The following ATP2C1 variants were observed in gnomAD, a reference collection of about 807,000 sequenced individuals.
ATP2C1 encodes ATPase secretory pathway Ca2+ transporting 1.
A neutral mutation model predicts 120.5 loss-of-function variants in ATP2C1; 31 were observed. The ratio of observed to expected loss-of-function variants is 0.26; its 90% CI spans 0.19 to 0.35. ATP2C1 has a LOEUF of 0.35. ATP2C1 is among the 10% of genes least tolerant of loss of function. The pLI is 1.00. For synonymous variants in ATP2C1, 351 were observed against 358.7 expected, an observed-to-expected ratio of 0.98 and a Z score of 0.24; for missense variants, 731 against 1,107.5, an observed-to-expected ratio of 0.66 and a Z score of 4.83.
chr3:130,992,883 T>G (rs2062419964), intron 20 of ATP2C1, 68 bp from the exon 21 acceptor site: 6 of 1,278,792 alleles, frequency 4.7e-6, no homozygotes, highest in Non-Finnish European at 6.8e-6. Flanking sequence ...TCATTAGTTA[T>G]GAATGCATGG....
chr3:130,936,845 TA>T (rs1372197770), intron 5 of ATP2C1, among the ~76,000 whole-genome samples: 1 of 143,936 alleles, frequency 6.9e-6, no homozygotes, highest in African/African-American at 2.5e-5. Context: ...AACTCCTCCC[TA>T]AAAAAAATAA....
rs761928880 is a variant in ATP2C1, at chr3:130,953,856, A to G, written c.567A>G (p.Thr189=). The change falls in exon 9 of 28, where the codon ACA becomes ACG. Residue 189 remains threonine, a synonymous_variant. Transcript: ENST00000510168. The stretch of plus-strand genomic sequence containing the variant: ...TTTCCATTGATGAGTCCAGCTTGAC[A>G]GGTGAGACAACGCCTTGTTCTAAGG... The part of the protein sequence containing the change: ...VDLSIDESSL[T]GETTPCSKVT... 1 of 1,614,056 alleles carries G rather than the reference A, an allele frequency of 6.2e-7. No individual in the cohort carries two copies. Among genetic ancestry groups the G allele is most frequent in the Non-Finnish European group, 8.5e-7 (1 of 1,179,958 alleles).
At chr3:130,997,896 T>G in intron 25 of ATP2C1, 143 bp downstream of exon 25, 1 of 810,328 alleles carries the variant, frequency 1.2e-6, no homozygotes, top group Non-Finnish European at 2.0e-6. Context: ...TTAAAAGAGT[T>G]TGATTTCCAT....
intron 8 of ATP2C1, among the ~76,000 whole-genome samples, chr3:130,945,539 C>CACGACAGG (rs1559957780): frequency 1.5e-5 from 2 of 134,850 alleles, no homozygotes; most frequent in African/African-American, 5.5e-5. Context: ...CGACAGGCCC[C>CACGACAGG]GGTGTGTGAT....
At chr3:130,961,998 C>G (rs1375493387) in intron 12 of ATP2C1, among the ~76,000 whole-genome samples, 2 of 152,026 alleles carry the variant, frequency 1.3e-5, no homozygotes, top group South Asian at 2.1e-4. Flanking sequence ...AACAGGTATT[C>G]TCTTCCAGTT....
intron 2 of ATP2C1, among the ~76,000 whole-genome samples, chr3:130,923,088 G>A (rs1101214): frequency 0.91 from 138,957 of 152,228 alleles, 63,585 homozygotes; most frequent in Non-Finnish European, 0.95. Context: ...TTGTGTTGCC[G>A]TCTGTCTCAT....
chr3:130,948,640 C>CT (rs2060246710), intron 8 of ATP2C1, among the ~76,000 whole-genome samples: 1 of 152,032 alleles, frequency 6.6e-6, no homozygotes, highest in South Asian at 2.1e-4. Flanking sequence ...GTCGCCTTCT[C>CT]TTTTTTCCTT....
intron 8 of ATP2C1, among the ~76,000 whole-genome samples, chr3:130,944,894 C>A (rs969417527): frequency 6.6e-6 from 1 of 152,186 alleles, no homozygotes; most frequent in Non-Finnish European, 1.5e-5. Flanking sequence ...TATATAACCT[C>A]TGCACATTTT....
chr3:130,964,240 CA>C, intron 13 of ATP2C1, 145 bp downstream of exon 13: 6 of 1,162,652 alleles, frequency 5.2e-6, no homozygotes, highest in Non-Finnish European at 6.2e-6. Flanking sequence ...TTTTAACAAC[CA>C]AAAAAGGCAA....
rs60667750 is a variant in ATP2C1, at chr3:130,858,237, T to C, written c.108+7309T>C. On this transcript the variant is annotated intron_variant, in intron 1 of 26. Coordinates refer to the ATP2C1 transcript ENST00000504381. ...CTTTGGCAATACCCTCATAGACACA[T>C]CCAGGAACAATACTTTGCATCCTTC... is the stretch of plus-strand genomic sequence containing the variant. Among the ~76,000 whole-genome samples the C allele has an allele frequency of 4.6e-3, 706 of 152,162 alleles. 4 individuals are homozygous for C. The highest frequency in any genetic ancestry group is 0.015 in the African/African-American group (640 of 41,508).
chr3:130,983,639 G>GA (rs1203786868), intron 20 of ATP2C1, among the ~76,000 whole-genome samples: 2 of 152,198 alleles, frequency 1.3e-5, no homozygotes, highest in Admixed American at 6.5e-5. Context: ...TCATTGCCCT[G>GA]AAAATCCCTG....
At chr3:130,964,264 A>G (rs935351409) in intron 13 of ATP2C1, among the ~76,000 whole-genome samples, 169 bp downstream of exon 13, 3 of 152,086 alleles carry the variant, frequency 2.0e-5, no homozygotes, top group Admixed American at 6.6e-5. Flanking sequence ...AAAAATTCCT[A>G]TCCCTTAGGT....
chr3:130,917,879 T>C (rs1399558956), intron 2 of ATP2C1, among the ~76,000 whole-genome samples: 1 of 152,206 alleles, frequency 6.6e-6, no homozygotes, highest in African/African-American at 2.4e-5. Context: ...TTTTAGATAG[T>C]GGAGTTATGC....
chr3:130,894,815 G>T lies in ATP2C1; in HGVS notation c.6+40G>T. The T allele has an allele frequency of 6.3e-7, 1 of 1,578,984 alleles. No homozygotes were observed. Among genetic ancestry groups the T allele is most frequent in the South Asian group, 1.1e-5 (1 of 90,384 alleles). The stretch of plus-strand genomic sequence containing the variant: ...CCGACCGGTTGCAACGCGGAGTTGA[G>T]GGTGTGGTGGTTTGCTTTTAAGTTG... On this transcript the variant is annotated intron_variant, in intron 2 of 27. Transcript: ENST00000510168. The surrounding 1 kb of genome is among the most constrained non-coding windows in gnomAD (Gnocchi z 4.5).
chr3:130,997,389 A>G (rs1342863534), intron 24 of ATP2C1, among the ~76,000 whole-genome samples: 1 of 152,172 alleles, frequency 6.6e-6, no homozygotes, highest in Non-Finnish European at 1.5e-5. Context: ...TTGATTATCT[A>G]TCCCCTATCA....
intron 1 of ATP2C1, among the ~76,000 whole-genome samples, chr3:130,862,961 G>A (rs1029800399): frequency 5.3e-5 from 8 of 152,058 alleles, no homozygotes; most frequent in Middle Eastern, 3.2e-3. Flanking sequence ...AATTTTTAAC[G>A]AAACATAAGA....
Position 130,967,192 on chromosome 3 carries a change from T to G in ATP2C1, c.1170T>G (p.Gly390=). Residue 390 remains glycine (G), a synonymous_variant, in exon 15 of 28, where the codon GGT becomes GGG. Transcript: ENST00000510168. The stretch of plus-strand genomic sequence containing the variant: ...AATTTGGGGAAGTGATTGTTGATGG[T>G]GATGTTGTTCATGGATTCTATAACC... ...YNQFGEVIVD[G]DVVHGFYNPA... is the part of the protein sequence containing the mutation. 1 of 1,613,912 alleles carries G rather than the reference T, an allele frequency of 6.2e-7. No individual in the cohort carries two copies. The highest frequency in any genetic ancestry group is 8.5e-7 in the Non-Finnish European group (1 of 1,179,856).
chr3:130,904,465 TATG>T (rs2058033281), intron 2 of ATP2C1, among the ~76,000 whole-genome samples: 1 of 152,174 alleles, frequency 6.6e-6, no homozygotes, highest in South Asian at 2.1e-4. Context: ...TAGCATGTCT[TATG>T]ATGGGTGAAG....
chr3:130,923,245 G>A (rs1178759204), intron 2 of ATP2C1, among the ~76,000 whole-genome samples: 1 of 150,468 alleles, frequency 6.6e-6, no homozygotes, highest in African/African-American at 2.4e-5. Flanking sequence ...TTTTTTGTTG[G>A]AGACAGAGTC....
Sources: gnomAD v4.1 joint callset for allele counts (sites outside exome capture counted in the v4.1 genomes callset) on GRCh38, gnomAD v4.1.1 for gene constraint, Gnocchi (gnomAD v3.1) non-coding constraint, MANE v1.5 for transcripts, NCBI Gene and HGNC (gene_info 2026-07-23, HGNC 2026-07-21) for gene names.